SI: variants seen among roughly 807,000 people sequenced by gnomAD.
The protein encoded by SI is sucrase-isomaltase, intestinal.
A neutral mutation model predicts 253.3 loss-of-function variants in SI; 235 were observed. That is an observed-to-expected ratio of 0.93 (90% CI 0.83 to 1.03). The LOEUF is 1.03. Ranked by LOEUF, SI falls within the 50% of genes least tolerant of loss-of-function variation. The pLI, the probability that SI is intolerant of heterozygous loss-of-function variation, is 0.00. For synonymous variants in SI, 819 were observed against 712.0 expected (o/e 1.15, Z -2.39); for missense variants, 2,442 against 2,211.1 (o/e 1.10, Z -2.09).
the SI span, among the ~76,000 whole-genome samples, chr3:165,084,693 C>T: frequency 6.6e-5 from 10 of 151,958 alleles, no homozygotes; most frequent in African/African-American, 2.4e-4. Context: ...CTCCTACTTC[C>T]ATATTTTATT....
At chr3:165,088,870 T>C in the SI span, among the ~76,000 whole-genome samples, 3 of 151,932 alleles carry the variant, frequency 2.0e-5, no homozygotes, top group Non-Finnish European at 2.9e-5. Context: ...AGAACTAAAC[T>C]TTAACTATGA....
chr3:165,020,742 T>C (rs922490242), intron 27 of SI, among the ~76,000 whole-genome samples: 1 of 151,562 alleles, frequency 6.6e-6, no homozygotes, highest in African/African-American at 2.4e-5. Flanking sequence ...AAGACTACAA[T>C]TTTAAAATTA....
chr3:165,083,374 C>T (rs1715403293), upstream of SI, among the ~76,000 whole-genome samples: 1 of 151,766 alleles, frequency 6.6e-6, no homozygotes, highest in Non-Finnish European at 1.5e-5. Context: ...TCCTTTACTT[C>T]ATTCTATGAA....
chr3:164,990,968 T>G (rs1405133237), intron 44 of SI, among the ~76,000 whole-genome samples: 8 of 151,566 alleles, frequency 5.3e-5, no homozygotes, highest in African/African-American at 1.7e-4. Flanking sequence ...CTTTTGACTG[T>G]CCAATATAAA....
At chr3:165,059,395 AC>A in intron 10 of SI, 96 bp from the exon 11 acceptor site, 1 of 1,197,434 alleles carries the variant, frequency 8.4e-7, no homozygotes, top group Non-Finnish European at 1.2e-6. Context: ...TATAAACATA[AC>A]CCTTAAAAAA....
intron 47 of SI, among the ~76,000 whole-genome samples, chr3:164,980,638 C>G (rs1324331566): frequency 6.6e-6 from 1 of 151,882 alleles, no homozygotes; most frequent in Non-Finnish European, 1.5e-5. Context: ...ATTTCTTCAT[C>G]ACTGAGGTAA....
chr3:165,066,439 G>A (rs755725752), intron 6 of SI, among the ~76,000 whole-genome samples: 7 of 151,676 alleles, frequency 4.6e-5, no homozygotes, highest in South Asian at 2.1e-4. Context: ...ACTTTTTACC[G>A]CACATTTAGA....
chr3:165,015,983 C>G lies in SI; in HGVS notation c.3857G>C (p.Arg1286Thr). Residue 1286 changes from arginine (R) to threonine (T), a missense_variant, in exon 32 of 48, where the codon AGA becomes ACA. Transcript: ENST00000264382. ...AATAATGTATCTCATTCCTTCTCCTCTTATTTTGTCAACAAACTGAGGAAG... is the reference window on the plus strand; with the variant it reads ...AATAATGTATCTCATTCCTTCTCCTGTTATTTTGTCAACAAACTGAGGAAG... ...QDLPQFVDKI[R>T]GEGMRYIIIL... 1 of 1,611,506 alleles carries G rather than the reference C, an allele frequency of 6.2e-7. No homozygotes were observed. The highest frequency in any genetic ancestry group is 8.5e-7 in the Non-Finnish European group (1 of 1,177,802).
intron 25 of SI, among the ~76,000 whole-genome samples, chr3:165,029,718 A>G (rs929367997): frequency 6.7e-6 from 1 of 149,498 alleles, no homozygotes; most frequent in Non-Finnish European, 1.5e-5. Context: ...TTCTTTAGCA[A>G]AATGAATTGT....
chr3:164,987,306 A>G (rs2108117312), intron 44 of SI, 80 bp from the exon 45 acceptor site: 1 of 1,148,732 alleles, frequency 8.7e-7, no homozygotes, highest in African/African-American at 1.5e-5. Context: ...CCACATAAGG[A>G]TCTATAGGAA....
intron 5 of SI, among the ~76,000 whole-genome samples, chr3:165,067,849 A>C (rs1170138656): frequency 6.6e-6 from 1 of 151,830 alleles, no homozygotes; most frequent in Non-Finnish European, 1.5e-5. Context: ...TCCTTATATA[A>C]CTATATAAAG....
intron 37 of SI, among the ~76,000 whole-genome samples, 167 bp from the exon 38 acceptor site, chr3:164,998,840 C>A (rs547042589): frequency 6.6e-6 from 1 of 151,836 alleles, no homozygotes; most frequent in Non-Finnish European, 1.5e-5. Context: ...ATTATAAAAT[C>A]CTCAAAACAT....
chr3:165,060,861 A>T (rs577253872), intron 9 of SI, among the ~76,000 whole-genome samples: 4 of 136,876 alleles, frequency 2.9e-5, no homozygotes, highest in South Asian at 2.2e-4. Flanking sequence ...TATATATATT[A>T]AAAAAAAATA....
At chr3:165,028,511 G>A (rs1386985912) in intron 25 of SI, among the ~76,000 whole-genome samples, 1 of 151,362 alleles carries the variant, frequency 6.6e-6, no homozygotes, top group East Asian at 1.9e-4. Flanking sequence ...AACAAATCTG[G>A]AGGCATCATA....
intron 10 of SI, 124 bp from the exon 11 acceptor site, chr3:165,059,423 C>A: frequency 2.1e-6 from 2 of 949,494 alleles, no homozygotes; most frequent in South Asian, 1.4e-5. Context: ...AACGTCCATC[C>A]TTTTCATTTC....
chr3:165,021,226 T>C lies in SI; in HGVS notation c.3254+3A>G. ...CTTTATATCAAATAATTCAATTACTTACATGACTCTTCCACTGCTTCTCCG... is the reference window on the plus strand; with the variant it reads ...CTTTATATCAAATAATTCAATTACTCACATGACTCTTCCACTGCTTCTCCG... On this transcript the variant is annotated splice_donor_region_variant and intron_variant, in intron 27 of 47. Coordinates refer to ENST00000264382, the MANE Select transcript of SI (RefSeq NM_001041.4). 6.2e-7 allele frequency: 1 copy of C among 1,609,056 alleles called. No homozygotes were observed. The highest frequency in any genetic ancestry group is 8.5e-7 in the Non-Finnish European group (1 of 1,176,230).
At chr3:165,030,528 G>A (rs1038712803) in intron 25 of SI, among the ~76,000 whole-genome samples, 184 bp downstream of exon 25, 19 of 150,884 alleles carry the variant, frequency 1.3e-4, no homozygotes, top group African/African-American at 4.6e-4. Flanking sequence ...ACTAAGATAT[G>A]TCTTTGGATA....
intron 9 of SI, 145 bp downstream of exon 9, chr3:165,062,226 G>T: frequency 1.6e-6 from 1 of 607,158 alleles, no homozygotes; most frequent in Non-Finnish European, 2.9e-6. Flanking sequence ...AAAACACCCA[G>T]CTGCATCTTA....
chr3:165,044,013 A>G (rs1261711538), intron 16 of SI, among the ~76,000 whole-genome samples: 2 of 151,992 alleles, frequency 1.3e-5, no homozygotes, highest in African/African-American at 2.4e-5. Flanking sequence ...GAGAGCCAAC[A>G]TAATGCCAGA....
Sources: gnomAD v4.1 joint callset for allele counts (sites outside exome capture counted in the v4.1 genomes callset) on GRCh38, gnomAD v4.1.1 for gene constraint, MANE v1.5 for transcripts, NCBI Gene and HGNC (gene_info 2026-07-23, HGNC 2026-07-21) for gene names.